The following JRK variants were observed in gnomAD, a reference collection of about 807,000 sequenced individuals.
JRK encodes Jrk helix-turn-helix protein, also known as jerky protein homolog.
For missense variants in JRK, 720 were observed against 509.2 expected, an observed-to-expected ratio of 1.41 and a Z score of -3.98; for synonymous variants, 303 against 218.1, an observed-to-expected ratio of 1.39 and a Z score of -3.43.
intron 1 of JRK, among the ~76,000 whole-genome samples, chr8:142,667,734 C>G (rs1328677175): frequency 2.6e-5 from 4 of 152,186 alleles, no homozygotes; most frequent in African/African-American, 7.2e-5. Context: ...ATAGAAATGT[C>G]ACAGCTCTAA....
At position 142,664,074 on chromosome 8, in the gene JRK, C is replaced by T. The variant is rs1034705412; in HGVS notation, c.*278G>A. ...CCTGGCCCCCATTCCAGCCAGGGTGCGGCTCTGGCTTGTTCTAGGCTAGGG... is the reference window on the plus strand; with the variant it reads ...CCTGGCCCCCATTCCAGCCAGGGTGTGGCTCTGGCTTGTTCTAGGCTAGGG... On this transcript the variant is annotated 3_prime_UTR_variant, in exon 2 of 2. Coordinates refer to ENST00000612905, the MANE Select transcript of JRK (RefSeq NM_003724.4). 1.7e-5 allele frequency: 21 copies of T among 1,223,620 alleles called. No homozygotes were observed. The South Asian group carries it at 4.0e-4, about 23-fold the overall frequency. 75.8% of individuals were successfully genotyped at this position (1,223,620 alleles called of 1,614,324 possible).
rs1554635619 is a variant in JRK, at chr8:142,665,323, C to T, written c.736G>A (p.Gly246Ser). 4.2e-6 allele frequency: 3 copies of T among 717,718 alleles called. No homozygotes were observed. The Admixed American group carries it at 6.0e-5, about 14-fold the overall frequency. The allele number at this position is 717,718 out of a possible 1,614,324, so 44.5% of individuals were successfully genotyped here. A position where few individuals can be genotyped will look rare whatever the true frequency, so the allele number is the denominator to read the frequency against. ...GKCSGPRAFK[G>S]IQHLPVAYKA... The stretch of plus-strand genomic sequence containing the variant: ...TAGGCGACGGGCAGGTGCTGGATGC[C>T]TTTGAAAGCCCTGGGACCGCTGCAC... The change falls in exon 2 of 2, where the codon GGC becomes AGC. Residue 246 changes from glycine (G) to serine (S), a missense_variant. Physicochemically the swap from Gly to Ser is moderately conservative, Grantham distance 56. Coordinates refer to ENST00000612905, the MANE Select transcript of JRK (RefSeq NM_003724.4).
downstream of JRK, among the ~76,000 whole-genome samples, chr8:142,655,501 C>G (rs1331646788): frequency 6.6e-6 from 1 of 152,360 alleles, no homozygotes; most frequent in East Asian, 1.9e-4. Flanking sequence ...CAGACACAGC[C>G]AAGGCAGATG....
downstream of JRK, among the ~76,000 whole-genome samples, chr8:142,656,585 T>A (rs370197789): frequency 9.5e-4 from 144 of 152,364 alleles, 2 homozygotes; most frequent in African/African-American, 3.1e-3. Context: ...TTGGCATATA[T>A]CTCCAATAAA....
chr8:142,660,218 T>A lies in JRK; in HGVS notation c.*4134A>T. On this transcript the variant is annotated 3_prime_UTR_variant, in exon 2 of 2. Coordinates refer to ENST00000612905, the MANE Select transcript of JRK (RefSeq NM_003724.4). ...GCTCAGCCCTTGTCAAGGAGAGTCC[T>A]CGAACCCAGAGGGGGCTGGGTAAGC... is the stretch of plus-strand genomic sequence containing the variant. 1 of 985,466 alleles carries A rather than the reference T, an allele frequency of 1.0e-6. No individual in the cohort carries two copies. The allele number at this position is 985,466 out of a possible 1,614,324, so 61.0% of individuals were successfully genotyped here. A position where few individuals can be genotyped will look rare whatever the true frequency, so the allele number is the denominator to read the frequency against.
chr8:142,667,607 C>T (rs1332303705), intron 1 of JRK, among the ~76,000 whole-genome samples: 2 of 152,170 alleles, frequency 1.3e-5, no homozygotes, highest in African/African-American at 4.8e-5. Context: ...GAAGCAAATG[C>T]CAGGAAACCT....
chr8:142,649,968 C>T, the JRK span, among the ~76,000 whole-genome samples: 1 of 152,274 alleles, frequency 6.6e-6, no homozygotes, highest in African/African-American at 2.4e-5. Flanking sequence ...TGAAAGCAGC[C>T]AGGAGGAAAG....
Position 142,661,314 on chromosome 8 carries a change from T to A in JRK, c.*3038A>T. 1.0e-6 allele frequency: 1 copy of A among 985,424 alleles called. No individual in the cohort carries two copies. Among genetic ancestry groups the A allele is most frequent in the Non-Finnish European group, 1.2e-6 (1 of 829,934 alleles). The allele number at this position is 985,424 out of a possible 1,614,324, so 61.0% of individuals were successfully genotyped here. Reference sequence around the variant, plus strand: ...CACCTACCCATCCTAACCCCTGAATTCACCATGCCACCCTGAAAGTATGGC... The same window carrying A: ...CACCTACCCATCCTAACCCCTGAATACACCATGCCACCCTGAAAGTATGGC... On this transcript the variant is annotated 3_prime_UTR_variant, in exon 2 of 2. Transcript: ENST00000612905.
the JRK span, among the ~76,000 whole-genome samples, chr8:142,650,245 G>A: frequency 6.6e-6 from 1 of 152,228 alleles, no homozygotes; most frequent in Admixed American, 6.5e-5. Flanking sequence ...TGATTTTACA[G>A]GCTCATAGGC....
chr8:142,667,432 G>GACACACACACACACAC (rs59385009), intron 1 of JRK, among the ~76,000 whole-genome samples: 7 of 146,838 alleles, frequency 4.8e-5, no homozygotes, highest in African/African-American at 1.8e-4. Context: ...CGGACACGGA[G>GACACACACACACACAC]ACACACACAC....
In JRK at chr8:142,666,389, C is replaced by T. The variant is rs1554636135; in HGVS notation, c.-331G>A. 2.2e-6 allele frequency: 1 copy of T among 450,328 alleles called. No homozygotes were observed. 27.9% of individuals were successfully genotyped at this position (450,328 alleles called of 1,614,324 possible). On this transcript the variant is annotated 5_prime_UTR_variant, in exon 2 of 2. Transcript: ENST00000612905. The stretch of plus-strand genomic sequence containing the variant: ...TGCTCCACACGGCTGGAACTCCGGC[C>T]TTCTCTGTGGATACTATGGCAGCGG...
At position 142,663,920 on chromosome 8, in the gene JRK, T is replaced by G. The variant is rs1348778565; in HGVS notation, c.*432A>C. 4 of 997,388 alleles carry G rather than the reference T, an allele frequency of 4.0e-6. No individual in the cohort carries two copies. The African/African-American group carries it at 5.2e-5, about 13-fold the overall frequency. The allele number at this position is 997,388 out of a possible 1,614,324, so 61.8% of individuals were successfully genotyped here. On this transcript the variant is annotated 3_prime_UTR_variant, in exon 2 of 2. Transcript: ENST00000612905. ...AGATAGAGCCTTCTGAGACGAAGCCTGTCCAGGGGCGGTGGGCATGGCCTC... is the reference window on the plus strand; with the variant it reads ...AGATAGAGCCTTCTGAGACGAAGCCGGTCCAGGGGCGGTGGGCATGGCCTC...
chr8:142,643,761 T>G, the JRK span, among the ~76,000 whole-genome samples: 1 of 152,216 alleles, frequency 6.6e-6, no homozygotes, highest in African/African-American at 2.4e-5. Context: ...GTCAAAGCCT[T>G]GGTAAAGTAA....
At chr8:142,648,700 T>C in the JRK span, among the ~76,000 whole-genome samples, 157 of 152,286 alleles carry the variant, frequency 1.0e-3, no homozygotes, top group African/African-American at 3.7e-3. Context: ...GGAAGGGAAA[T>C]GTGGGGTCAG....
chr8:142,647,416 C>T, the JRK span, among the ~76,000 whole-genome samples: 1 of 152,102 alleles, frequency 6.6e-6, no homozygotes, highest in Non-Finnish European at 1.5e-5. Flanking sequence ...TTGCAACTTC[C>T]ACAATTCCCA....
At chr8:142,655,058 C>T (rs1325790536), downstream of JRK, among the ~76,000 whole-genome samples, 1 of 152,144 alleles carries the variant, frequency 6.6e-6, no homozygotes, top group Non-Finnish European at 1.5e-5. Context: ...CAGCTGGAAC[C>T]ATGGGGGCTG....
rs979291193 is a variant in JRK at position 142,664,131 on chromosome 8, G to A, written c.*221C>T. The A allele has an allele frequency of 2.3e-6, 3 of 1,325,500 alleles. No homozygotes were observed. The highest frequency in any genetic ancestry group is 2.9e-6 in the Non-Finnish European group (3 of 1,041,672). The allele number at this position is 1,325,500 out of a possible 1,614,324, so 82.1% of individuals were successfully genotyped here. A position where few individuals can be genotyped will look rare whatever the true frequency, so the allele number is the denominator to read the frequency against. The stretch of plus-strand genomic sequence containing the variant: ...CTTCCAAAACATTTCCTCACTTTCG[G>A]ATGACACGGCAAGTGATAAAATAAA... On this transcript the variant is annotated 3_prime_UTR_variant, in exon 2 of 2. Transcript: ENST00000612905.
chr8:142,656,362 G>A (rs587651501), downstream of JRK, among the ~76,000 whole-genome samples: 8 of 152,300 alleles, frequency 5.3e-5, no homozygotes, highest in Admixed American at 2.6e-4. Context: ...CCTAGGTTAT[G>A]CCCTCAGTCA....
chr8:142,661,387 C>G lies in JRK; in HGVS notation c.*2965G>C. On this transcript the variant is annotated 3_prime_UTR_variant, in exon 2 of 2. Transcript: ENST00000612905. ...TGGGAGCTCCCAGAGTGGAGGCTGC[C>G]TGTCCCGAGTGAGGACACAGGAGCG... The G allele has an allele frequency of 7.1e-6, 7 of 985,514 alleles. No homozygotes were observed. The highest frequency in any genetic ancestry group is 7.2e-6 in the Non-Finnish European group (6 of 829,972). 61.0% of individuals were successfully genotyped at this position (985,514 alleles called of 1,614,324 possible). A position where few individuals can be genotyped will look rare whatever the true frequency, so the allele number is the denominator to read the frequency against.
Sources: gnomAD v4.1 joint callset for allele counts (sites outside exome capture counted in the v4.1 genomes callset) on GRCh38, gnomAD v4.1.1 for gene constraint, MANE v1.5 for transcripts, NCBI Gene and HGNC (gene_info 2026-07-23, HGNC 2026-07-21) for gene names.